Variants in EHHADH observed in about 807,000 individuals in gnomAD.
The protein encoded by EHHADH is enoyl-CoA hydratase and 3-hydroxyacyl CoA dehydrogenase.
In EHHADH, 48 loss-of-function variants were observed where a neutral mutation model predicts 64.4. That is an observed-to-expected ratio of 0.75 (90% CI 0.59 to 0.95). The LOEUF (loss-of-function observed/expected upper bound fraction) is 0.95, where lower values mean the gene tolerates loss of function less well. Ranked by LOEUF, EHHADH falls within the 40% of genes least tolerant of loss-of-function variation. EHHADH has a pLI of 0.00. For synonymous variants in EHHADH, 308 were observed against 326.7 expected, an observed-to-expected ratio of 0.94 and a Z score of 0.62; for missense variants, 854 against 876.6, an observed-to-expected ratio of 0.97 and a Z score of 0.33.
chr3:185,213,762 C>T (rs1400667215), intron 5 of EHHADH, among the ~76,000 whole-genome samples: 2 of 151,696 alleles, frequency 1.3e-5, no homozygotes, highest in African/African-American at 4.8e-5. Flanking sequence ...TGCCTGTAAT[C>T]CCAGCTACTC....
chr3:185,241,397 T>C (rs1400112110), intron 2 of EHHADH, among the ~76,000 whole-genome samples: 1 of 152,236 alleles, frequency 6.6e-6, no homozygotes, highest in South Asian at 2.1e-4. Flanking sequence ...ATAGTAGTTG[T>C]ACTAGTTTAC....
chr3:185,228,890 G>A (rs543082967), intron 4 of EHHADH, among the ~76,000 whole-genome samples: 44 of 151,764 alleles, frequency 2.9e-4, no homozygotes, highest in Non-Finnish European at 4.3e-4. Flanking sequence ...CGCAACCTCC[G>A]CTTCCTGGGT....
chr3:185,206,432 G>C (rs577339192), intron 5 of EHHADH, among the ~76,000 whole-genome samples: 1 of 152,256 alleles, frequency 6.6e-6, no homozygotes, highest in Admixed American at 6.5e-5. Context: ...GTTAGGCAAA[G>C]TATTCTTAGA....
At chr3:185,248,277 T>C in intron 2 of EHHADH, 137 bp downstream of exon 2, 3 of 721,554 alleles carry the variant, frequency 4.2e-6, no homozygotes, top group Non-Finnish European at 7.6e-6. Flanking sequence ...TTCTCCACAG[T>C]GTTACTCATT....
In EHHADH at chr3:185,216,247, G is replaced by A. The variant is rs1486029295; in HGVS notation, c.568+1889C>T. Among the ~76,000 whole-genome samples, 1 of 152,194 alleles carries A rather than the reference G, an allele frequency of 6.6e-6. No homozygotes were observed. Among genetic ancestry groups the A allele is most frequent in the East Asian group, 1.9e-4 (1 of 5,196 alleles). The stretch of plus-strand genomic sequence containing the variant: ...CCTGGATCCAGGTCTCCTAGATCAT[G>A]AACCTCAACTATTTCTTGAAGTAAC... On this transcript the variant is annotated intron_variant, in intron 5 of 6. Transcript: ENST00000231887. This position sits in a 1 kb window ranked among gnomAD's most constrained non-coding sequence, Gnocchi z 5.3.
intron 2 of EHHADH, among the ~76,000 whole-genome samples, chr3:185,237,025 T>G (rs565490141): frequency 1.1e-3 from 164 of 152,294 alleles, no homozygotes; most frequent in African/African-American, 3.7e-3. Flanking sequence ...GAATAGGGAT[T>G]TAAACTTAGG....
chr3:185,206,840 A>G (rs1227563085), intron 5 of EHHADH, among the ~76,000 whole-genome samples: 3 of 142,770 alleles, frequency 2.1e-5, no homozygotes, highest in African/African-American at 5.2e-5. Flanking sequence ...AAAAAAACAG[A>G]AAAAAAAAAA....
At position 185,193,055 on chromosome 3, in the gene EHHADH, C is replaced by G. The variant is rs781711398; in HGVS notation, c.1343G>C (p.Ser448Thr). ...AATGGTAGTGGGGGAAGAGTATTGG[C>G]TGGGAATAACCTCTAACAACTTCAT... The part of the protein sequence containing the change: ...HVMKLLEVIP[S>T]QYSSPTTIAT... Residue 448 changes from serine to threonine, a missense_variant, in exon 7 of 7, where the codon AGC becomes ACC. Ser to Thr is a moderately conservative substitution (Grantham distance 58). Transcript: ENST00000231887. 6.2e-7 allele frequency: 1 copy of G among 1,614,116 alleles called. No homozygotes were observed. Among genetic ancestry groups the G allele is most frequent in the Admixed American group, 1.7e-5 (1 of 60,014 alleles).
chr3:185,196,062 C>T (rs934929560), intron 6 of EHHADH, among the ~76,000 whole-genome samples: 2 of 152,178 alleles, frequency 1.3e-5, no homozygotes, highest in African/African-American at 4.8e-5. Context: ...GCTATCAGTA[C>T]TTGTTAATTA....
intron 1 of EHHADH, among the ~76,000 whole-genome samples, chr3:185,252,440 A>C (rs970867778): frequency 1.3e-5 from 2 of 151,972 alleles, no homozygotes; most frequent in Non-Finnish European, 2.9e-5. Context: ...AAAAAAAAAA[A>C]CAGTTGTCAG....
chr3:185,249,136 CT>C (rs1053846028), intron 1 of EHHADH, among the ~76,000 whole-genome samples: 4 of 148,450 alleles, frequency 2.7e-5, no homozygotes, highest in African/African-American at 2.5e-5. Flanking sequence ...TGGTTTGGCT[CT>C]TTTTTTTTTG....
rs1482269622 is a variant in EHHADH at position 185,204,396 on chromosome 3, T to C, written c.910+20A>G. 6.4e-7 allele frequency: 1 copy of C among 1,571,854 alleles called. No homozygotes were observed. The highest frequency in any genetic ancestry group is 8.6e-7 in the Non-Finnish European group (1 of 1,159,414). On this transcript the variant is annotated intron_variant, in intron 6 of 6. Coordinates refer to ENST00000231887, the MANE Select transcript of EHHADH (RefSeq NM_001966.4). ...CATGAGCAGATTTGGAGGATTCCATTCATTACCCCATGGTCTTACCAACAA... is the reference window on the plus strand; with the variant it reads ...CATGAGCAGATTTGGAGGATTCCATCCATTACCCCATGGTCTTACCAACAA...
intron 5 of EHHADH, among the ~76,000 whole-genome samples, chr3:185,214,531 G>C (rs1718632792): frequency 6.6e-6 from 1 of 152,056 alleles, no homozygotes; most frequent in South Asian, 2.1e-4. Flanking sequence ...TTAGATATTA[G>C]GAAAAGATAA....
Position 185,190,864 on chromosome 3 carries a change from T to C in EHHADH, c.*1362A>G, listed in dbSNP as rs2108620650. The C allele has an allele frequency of 6.6e-6, 1 of 152,330 alleles. No homozygotes were observed. The highest frequency in any genetic ancestry group is 1.9e-4 in the East Asian group (1 of 5,188). The allele number at this position is 152,330 out of a possible 1,614,324, so 9.4% of individuals were successfully genotyped here. On this transcript the variant is annotated 3_prime_UTR_variant, in exon 7 of 7. Transcript: ENST00000231887. Reference sequence around the variant, plus strand: ...TTCACAGGTGAAAATATTGTGAAAGTTCATTTACACCACAATGAAGGATAA... The same window carrying C: ...TTCACAGGTGAAAATATTGTGAAAGCTCATTTACACCACAATGAAGGATAA...
chr3:185,246,813 C>T (rs1251832045), intron 2 of EHHADH, among the ~76,000 whole-genome samples: 1 of 151,938 alleles, frequency 6.6e-6, no homozygotes, highest in African/African-American at 2.4e-5. Context: ...TTGTCAGTTC[C>T]TTTACATAAA....
At chr3:185,245,213 T>C (rs368673684) in intron 2 of EHHADH, among the ~76,000 whole-genome samples, 2 of 152,232 alleles carry the variant, frequency 1.3e-5, no homozygotes, top group African/African-American at 2.4e-5. Flanking sequence ...CAGAAGTCTA[T>C]GAACGATTTT....
intron 4 of EHHADH, among the ~76,000 whole-genome samples, chr3:185,223,494 A>T (rs893179794): frequency 2.0e-5 from 3 of 151,902 alleles, no homozygotes; most frequent in Non-Finnish European, 2.9e-5. Flanking sequence ...CAGTTGTTTT[A>T]GTTTTAAGAA....
At chr3:185,241,179 T>C (rs1399903130) in intron 2 of EHHADH, among the ~76,000 whole-genome samples, 1 of 152,214 alleles carries the variant, frequency 6.6e-6, no homozygotes, top group Non-Finnish European at 1.5e-5. Context: ...CGTATAAAAA[T>C]ACCACAGTTT....
intron 2 of EHHADH, among the ~76,000 whole-genome samples, chr3:185,244,902 G>A (rs1719554364): frequency 2.0e-5 from 3 of 152,168 alleles, no homozygotes; most frequent in Admixed American, 2.0e-4. Flanking sequence ...TTGTTATGGT[G>A]CTCTAAGAAA....
Sources: gnomAD v4.1 joint callset for allele counts (sites outside exome capture counted in the v4.1 genomes callset) on GRCh38, gnomAD v4.1.1 for gene constraint, Gnocchi (gnomAD v3.1) non-coding constraint, MANE v1.5 for transcripts, NCBI Gene and HGNC (gene_info 2026-07-23, HGNC 2026-07-21) for gene names.